HCRTR2: variants seen among roughly 807,000 people sequenced by gnomAD.
The protein encoded by HCRTR2 is orexin receptor type 2.
In HCRTR2, 22 loss-of-function variants were observed where a neutral mutation model predicts 49.0. The observed-to-expected ratio is 0.45, with a 90% CI of 0.32 to 0.64. The LOEUF is 0.64. Ranked by LOEUF, HCRTR2 falls within the 30% of genes least tolerant of loss-of-function variation. HCRTR2 has a pLI of 0.04. For missense variants in HCRTR2, 491 were observed against 559.4 expected (o/e 0.88, Z 1.23); for synonymous variants, 236 against 205.3 (o/e 1.15, Z -1.28).
chr6:55,133,536 ACTTATTGATGAC>A (rs1351410745), intron 1 of HCRTR2, among the ~76,000 whole-genome samples: 1 of 151,884 alleles, frequency 6.6e-6, no homozygotes, highest in African/African-American at 2.4e-5. Context: ...GTCAGGAATA[ACTTATTGATGAC>A]CTCACTAACA....
At chr6:55,262,003 A>T (rs548362343) in intron 3 of HCRTR2, among the ~76,000 whole-genome samples, 1 of 152,256 alleles carries the variant, frequency 6.6e-6, no homozygotes, top group Non-Finnish European at 1.5e-5. Flanking sequence ...GGAGACCATT[A>T]TTCTAAGTGA....
intron 1 of HCRTR2, among the ~76,000 whole-genome samples, chr6:55,225,548 C>A (rs569989145): frequency 6.6e-6 from 1 of 152,284 alleles, no homozygotes; most frequent in South Asian, 2.1e-4. Context: ...CTAATATAAT[C>A]TGTGCCAGAC....
At chr6:55,113,463 G>A (rs1029374151) in intron 1 of HCRTR2, among the ~76,000 whole-genome samples, 6 of 151,736 alleles carry the variant, frequency 4.0e-5, no homozygotes, top group African/African-American at 1.5e-4. Flanking sequence ...TCCAAAAGTG[G>A]GCTAAGGACA....
At chr6:55,210,285 T>C (rs1765674005) in intron 1 of HCRTR2, among the ~76,000 whole-genome samples, 2 of 152,086 alleles carry the variant, frequency 1.3e-5, no homozygotes, top group Non-Finnish European at 2.9e-5. Context: ...TGCTCTTAGT[T>C]TGTTAGTGTT....
intron 1 of HCRTR2, among the ~76,000 whole-genome samples, chr6:55,246,054 A>G (rs908418223): frequency 2.0e-5 from 3 of 152,020 alleles, no homozygotes; most frequent in African/African-American, 7.2e-5. Flanking sequence ...CAAAGGCAGA[A>G]ATTGGAGTTA....
At chr6:55,163,574 T>G (rs943795015) in intron 1 of HCRTR2, among the ~76,000 whole-genome samples, 2 of 152,198 alleles carry the variant, frequency 1.3e-5, no homozygotes, top group Non-Finnish European at 2.9e-5. Flanking sequence ...GCTAGCCATA[T>G]GCAGAAAACT....
chr6:55,187,486 C>G (rs1235931217), intron 1 of HCRTR2, among the ~76,000 whole-genome samples: 1 of 147,152 alleles, frequency 6.8e-6, no homozygotes, highest in South Asian at 2.2e-4. Context: ...ATTGGTAATT[C>G]TAGCAGATCC....
chr6:55,250,605 CT>C (rs1766530208), intron 2 of HCRTR2, among the ~76,000 whole-genome samples: 1 of 152,114 alleles, frequency 6.6e-6, no homozygotes, highest in African/African-American at 2.4e-5. Flanking sequence ...ACAGCGATAG[CT>C]TTCTGCAGAG....
At chr6:55,121,329 C>G (rs1201547567) in intron 1 of HCRTR2, among the ~76,000 whole-genome samples, 2 of 151,956 alleles carry the variant, frequency 1.3e-5, no homozygotes, top group African/African-American at 4.8e-5. Flanking sequence ...GATTTTGTAT[C>G]CTGAGATTTT....
chr6:55,230,844 A>ATT (rs75572207), intron 1 of HCRTR2, among the ~76,000 whole-genome samples: 164 of 147,140 alleles, frequency 1.1e-3, no homozygotes, highest in African/African-American at 3.8e-3. Context: ...CAGGTCAAAG[A>ATT]TTTTTTTTTT....
At chr6:55,164,167 C>T (rs1351587118) in intron 1 of HCRTR2, among the ~76,000 whole-genome samples, 1 of 152,202 alleles carries the variant, frequency 6.6e-6, no homozygotes, top group Non-Finnish European at 1.5e-5. Flanking sequence ...CGCTTTTACA[C>T]TGTTGGTGGG....
At chr6:55,158,337 A>C (rs560254840) in intron 1 of HCRTR2, among the ~76,000 whole-genome samples, 61 of 152,264 alleles carry the variant, frequency 4.0e-4, no homozygotes, top group African/African-American at 1.5e-3. Flanking sequence ...TCGGGTGCCT[A>C]CACCACCAGG....
chr6:55,138,728 T>C (rs1764464524), intron 1 of HCRTR2, among the ~76,000 whole-genome samples: 1 of 152,206 alleles, frequency 6.6e-6, no homozygotes, highest in Admixed American at 6.5e-5. Context: ...CTTTCTATAG[T>C]TACTCTCCGG....
At chr6:55,145,433 C>T (rs1452940938) in intron 1 of HCRTR2, among the ~76,000 whole-genome samples, 3 of 139,888 alleles carry the variant, frequency 2.1e-5, no homozygotes, top group Admixed American at 1.5e-4. Flanking sequence ...TTTTTTGAGA[C>T]GGATTCTTGC....
rs1038364561 is a variant in HCRTR2 at position 55,127,104 on chromosome 6, G to A, written c.-378+20559G>A. ...GTTCTGTCTCGCTGACATTCCAGGC[G>A]CCACTGGGGTATGGGAAAAAAAAAT... On this transcript the variant is annotated intron_variant, in intron 1 of 7. Transcript: ENST00000615358. Among the ~76,000 whole-genome samples the A allele has an allele frequency of 3.9e-5, 6 of 152,156 alleles. No homozygotes were observed. In the East Asian group the frequency reaches 5.8e-4, roughly 15 times the overall value.
At chr6:55,116,450 TAGAAAA>T (rs1445488936) in intron 1 of HCRTR2, among the ~76,000 whole-genome samples, 1 of 147,402 alleles carries the variant, frequency 6.8e-6, no homozygotes, top group African/African-American at 2.5e-5. Flanking sequence ...TAGGGGGAGA[TAGAAAA>T]AGAGAGAGTT....
intron 1 of HCRTR2, among the ~76,000 whole-genome samples, chr6:55,118,823 A>G (rs1764155631): frequency 6.6e-6 from 1 of 151,766 alleles, no homozygotes; most frequent in Non-Finnish European, 1.5e-5. Context: ...GTTCTGGAGT[A>G]CATGTGCAGA....
intron 1 of HCRTR2, among the ~76,000 whole-genome samples, chr6:55,217,901 T>C (rs1381948707): frequency 6.6e-6 from 1 of 152,188 alleles, no homozygotes; most frequent in Non-Finnish European, 1.5e-5. Context: ...TACCAAAGCC[T>C]GTATTAGGGT....
At chr6:55,148,954 T>C (rs1353259494) in intron 1 of HCRTR2, among the ~76,000 whole-genome samples, 1 of 152,138 alleles carries the variant, frequency 6.6e-6, no homozygotes, top group Non-Finnish European at 1.5e-5. Context: ...TTTTCTTTCC[T>C]GCTTTATGCT....
Sources: allele counts gnomAD v4.1 joint callset (sites outside exome capture counted in the v4.1 genomes callset), GRCh38; gene constraint gnomAD v4.1.1; transcripts MANE v1.5; gene names NCBI Gene and HGNC (gene_info 2026-07-23, HGNC 2026-07-21).